The following SUCO variants were observed in gnomAD, a reference collection of about 807,000 sequenced individuals.
SUCO encodes SUN domain containing ossification factor.
SUCO carries 57 observed loss-of-function variants against 148.1 expected under a neutral mutation model. That is an observed-to-expected ratio of 0.38 (90% CI 0.31 to 0.48). The LOEUF (loss-of-function observed/expected upper bound fraction) is 0.48. Among genes scored for constraint, SUCO ranks in the 20% least tolerant of loss-of-function variants. SUCO has a pLI of 0.96. For missense variants in SUCO, 1,331 were observed against 1,468.2 expected, an observed-to-expected ratio of 0.91 and a Z score of 1.53; for synonymous variants, 470 against 502.7, an observed-to-expected ratio of 0.93 and a Z score of 0.87.
intron 19 of SUCO, among the ~76,000 whole-genome samples, chr1:172,591,677 C>T (rs1656685201): frequency 6.6e-6 from 1 of 151,934 alleles, no homozygotes; most frequent in African/African-American, 2.4e-5. Flanking sequence ...TCCAGTCTAT[C>T]ATTGTTGGAC....
At chr1:172,555,368 T>C in intron 3 of SUCO, 1 of 985,218 alleles carries the variant, frequency 1.0e-6, no homozygotes, top group South Asian at 4.7e-5. Context: ...TTTCACATTG[T>C]GTTTTGGAGG....
intron 1 of SUCO, among the ~76,000 whole-genome samples, chr1:172,545,369 G>T (rs776187809): frequency 1.3e-5 from 2 of 152,146 alleles, no homozygotes; most frequent in African/African-American, 2.4e-5. Flanking sequence ...ATGAGAGTAC[G>T]TAAGTCTCCT....
At chr1:172,606,620 C>T (rs1258500788) in intron 22 of SUCO, among the ~76,000 whole-genome samples, 1 of 151,756 alleles carries the variant, frequency 6.6e-6, no homozygotes, top group Non-Finnish European at 1.5e-5. Context: ...CCCACGTTTA[C>T]TAATGTTTTT....
intron 1 of SUCO, among the ~76,000 whole-genome samples, chr1:172,535,105 G>A (rs1015295992): frequency 2.0e-5 from 3 of 152,136 alleles, no homozygotes; most frequent in African/African-American, 7.2e-5. Flanking sequence ...CCCTCAGTAT[G>A]TTTTCTCACC....
At chr1:172,599,425 A>G (rs890646616) in intron 19 of SUCO, 2 of 829,974 alleles carry the variant, frequency 2.4e-6, no homozygotes, top group African/African-American at 1.8e-5. Context: ...ATGCATACAA[A>G]CTATATTATA....
chr1:172,569,167 A>AT, intron 7 of SUCO, 25 bp downstream of exon 7: 2 of 1,503,792 alleles, frequency 1.3e-6, no homozygotes, highest in African/African-American at 1.4e-5. Flanking sequence ...GAGTTCTTTA[A>AT]ATTTTTTTTT....
chr1:172,594,759 T>G (rs115181779), intron 19 of SUCO, among the ~76,000 whole-genome samples: 2,991 of 152,300 alleles, frequency 0.02, 42 homozygotes, highest in Non-Finnish European at 0.031. Context: ...TTTTGTTGAT[T>G]TAGGGTGGAG....
intron 6 of SUCO, among the ~76,000 whole-genome samples, chr1:172,566,653 A>T (rs1447908401): frequency 2.0e-5 from 3 of 152,266 alleles, no homozygotes; most frequent in African/African-American, 7.2e-5. Context: ...TTCTGCAGTC[A>T]TACCCACTTT....
In SUCO at chr1:172,611,146, G is replaced by C. The variant is rs1658187727; in HGVS notation, c.*887G>C. On this transcript the variant is annotated 3_prime_UTR_variant, in exon 24 of 24. Transcript: ENST00000263688. ...TAAAATTTGAAGGTTTGGCCAATTA[G>C]TACAAGTCTCATGATATAATCACTG... 1 of 152,570 alleles carries C rather than the reference G, an allele frequency of 6.6e-6. No homozygotes were observed. The highest frequency in any genetic ancestry group is 1.5e-5 in the Non-Finnish European group (1 of 68,032). The allele number at this position is 152,570 out of a possible 1,614,324, so 9.5% of individuals were successfully genotyped here. A position where few individuals can be genotyped will look rare whatever the true frequency, so the allele number is the denominator to read the frequency against.
chr1:172,534,394 T>C (rs1453155838), intron 1 of SUCO, among the ~76,000 whole-genome samples: 1 of 152,232 alleles, frequency 6.6e-6, no homozygotes, highest in Non-Finnish European at 1.5e-5. Flanking sequence ...ATTTGCTGTT[T>C]GTTATATTAA....
chr1:172,570,231 G>A, intron 8 of SUCO, 60 bp downstream of exon 8: 1 of 1,035,700 alleles, frequency 9.7e-7, no homozygotes, highest in East Asian at 2.8e-5. Flanking sequence ...TTAAAATACA[G>A]GTTATTTGTT....
At chr1:172,545,824 A>G (rs903549280) in intron 1 of SUCO, among the ~76,000 whole-genome samples, 1 of 152,184 alleles carries the variant, frequency 6.6e-6, no homozygotes, top group Non-Finnish European at 1.5e-5. Context: ...GTTCCTCCTA[A>G]TAAGTCAATT....
At chr1:172,604,250 A>G (rs1374556291) in intron 22 of SUCO, among the ~76,000 whole-genome samples, 3 of 151,920 alleles carry the variant, frequency 2.0e-5, no homozygotes, top group African/African-American at 7.2e-5. Context: ...AGGGCCAAAC[A>G]GAGTAGCTTT....
chr1:172,565,849 C>T (rs1291488908), intron 6 of SUCO, among the ~76,000 whole-genome samples: 1 of 152,208 alleles, frequency 6.6e-6, no homozygotes, highest in East Asian at 1.9e-4. Flanking sequence ...TCAGGGCACA[C>T]TAACGATGGG....
At chr1:172,557,911 C>T (rs912272627) in intron 6 of SUCO, 117 bp downstream of exon 6, 3 of 791,646 alleles carry the variant, frequency 3.8e-6, no homozygotes, top group African/African-American at 3.5e-5. Flanking sequence ...ATTAAGTAGA[C>T]AATAACATGT....
chr1:172,589,595 A>C lies in SUCO; in HGVS notation c.2494A>C (p.Thr832Pro). Residue 832 changes from threonine to proline, a missense_variant, in exon 18 of 24, where the codon ACT becomes CCT. Transcript: ENST00000263688. ...AATAGTGCCACCAATAAATACAGCC[A>C]CTGTACCCGACAATGAAGATGGGGA... ...ETIVPPINTA[T>P]VPDNEDGEAK... The C allele has an allele frequency of 6.2e-7, 1 of 1,613,836 alleles. No homozygotes were observed. Among genetic ancestry groups the C allele is most frequent in the Non-Finnish European group, 8.5e-7 (1 of 1,179,884 alleles).
intron 3 of SUCO, chr1:172,555,307 G>T: frequency 1.3e-6 from 1 of 755,770 alleles, no homozygotes; most frequent in South Asian, 6.0e-5. Flanking sequence ...GTTGATCTTG[G>T]AGGAGGAGGT....
chr1:172,604,240 A>G (rs530597469), intron 22 of SUCO, among the ~76,000 whole-genome samples: 1 of 152,018 alleles, frequency 6.6e-6, no homozygotes, highest in Non-Finnish European at 1.5e-5. Context: ...CCAATTTTTT[A>G]GGGCCAAACA....
At chr1:172,593,759 GGC>G (rs1050754435) in intron 19 of SUCO, among the ~76,000 whole-genome samples, 2 of 152,180 alleles carry the variant, frequency 1.3e-5, no homozygotes, top group African/African-American at 4.8e-5. Flanking sequence ...GTCTCTGCCA[GGC>G]TTTGGTATCA....
Sources: gnomAD v4.1 joint callset for allele counts (sites outside exome capture counted in the v4.1 genomes callset) on GRCh38, gnomAD v4.1.1 for gene constraint, MANE v1.5 for transcripts, NCBI Gene and HGNC (gene_info 2026-07-23, HGNC 2026-07-21) for gene names.